The following ANKS1B variants were observed in gnomAD, a reference collection of about 807,000 sequenced individuals.
ANKS1B encodes the protein ankyrin repeat and sterile alpha motif domain containing 1B, also known as ankyrin repeat and sterile alpha motif domain-containing protein 1B.
ANKS1B carries 36 observed loss-of-function variants against 148.3 expected under a neutral mutation model. The ratio of observed to expected loss-of-function variants is 0.24; its 90% confidence interval spans 0.19 to 0.32. ANKS1B has a LOEUF of 0.32. Among genes scored for constraint, ANKS1B ranks in the 10% least tolerant of loss-of-function variants. ANKS1B has a pLI of 1.00. For synonymous variants in ANKS1B, 542 were observed against 560.8 expected (o/e 0.97, Z 0.47); for missense variants, 1,157 against 1,542.6 (o/e 0.75, Z 4.19).
intron 12 of ANKS1B, among the ~76,000 whole-genome samples, chr12:99,335,394 A>AATAAATT (rs1184180234): frequency 6.6e-6 from 1 of 152,022 alleles, no homozygotes; most frequent in Non-Finnish European, 1.5e-5. Flanking sequence ...TTAAGTATAC[A>AATAAATT]ATAAATTACT....
intron 16 of ANKS1B, among the ~76,000 whole-genome samples, chr12:99,071,896 C>T (rs546520688): frequency 5.3e-5 from 8 of 152,216 alleles, no homozygotes; most frequent in African/African-American, 1.2e-4. Flanking sequence ...CTGCCTGCCT[C>T]GGCCTCCCAA....
At chr12:99,567,892 T>A (rs988939593) in intron 9 of ANKS1B, among the ~76,000 whole-genome samples, 1 of 152,202 alleles carries the variant, frequency 6.6e-6, no homozygotes, top group Non-Finnish European at 1.5e-5. Flanking sequence ...TACATTTATA[T>A]GGAGAGGGAC....
chr12:99,959,872 C>T (rs954379497), intron 1 of ANKS1B, among the ~76,000 whole-genome samples: 27 of 152,204 alleles, frequency 1.8e-4, no homozygotes, highest in Admixed American at 7.8e-4. Flanking sequence ...CAATGTCATA[C>T]CAAAATTTTA....
chr12:99,450,729 C>CTA (rs1266993379), intron 10 of ANKS1B, among the ~76,000 whole-genome samples: 1 of 152,130 alleles, frequency 6.6e-6, no homozygotes, highest in African/African-American at 2.4e-5. Flanking sequence ...ATATTTCTCT[C>CTA]TATATAGCTC....
At chr12:99,555,554 A>G (rs1045859020) in intron 9 of ANKS1B, among the ~76,000 whole-genome samples, 1 of 152,122 alleles carries the variant, frequency 6.6e-6, no homozygotes, top group African/African-American at 2.4e-5. Flanking sequence ...TTGTGCATTC[A>G]GTATGATGTT....
intron 9 of ANKS1B, among the ~76,000 whole-genome samples, chr12:99,575,054 G>A (rs1366464906): frequency 6.6e-6 from 1 of 151,956 alleles, no homozygotes; most frequent in Non-Finnish European, 1.5e-5. Context: ...AAACTAATAA[G>A]TGATTATACC....
chr12:99,384,962 C>A (rs2093798181), intron 12 of ANKS1B, among the ~76,000 whole-genome samples: 2 of 152,032 alleles, frequency 1.3e-5, no homozygotes, highest in African/African-American at 4.8e-5. Flanking sequence ...AACTTACTTT[C>A]TCTGGCTTTT....
intron 22 of ANKS1B, among the ~76,000 whole-genome samples, chr12:98,790,754 C>G (rs7300980): frequency 6.6e-6 from 1 of 152,036 alleles, no homozygotes; most frequent in African/African-American, 2.4e-5. Context: ...AGGCTACTTG[C>G]TATGATGGCA....
chr12:98,921,330 G>C (rs1428733050), intron 17 of ANKS1B, among the ~76,000 whole-genome samples: 1 of 152,174 alleles, frequency 6.6e-6, no homozygotes, highest in African/African-American at 2.4e-5. Flanking sequence ...AATAGAATCT[G>C]AGTTATGTAA....
chr12:99,487,615 T>TGGG (rs35369607), intron 10 of ANKS1B, among the ~76,000 whole-genome samples: 13 of 149,762 alleles, frequency 8.7e-5, no homozygotes, highest in Non-Finnish European at 1.6e-4. Context: ...ACATTCAATA[T>TGGG]GGGGGGGGGA....
Position 99,048,358 on chromosome 12 carries a change from G to A in ANKS1B, c.2778+4799C>T, listed in dbSNP as rs552374345. 1.3e-3 allele frequency among the ~76,000 whole-genome samples: 193 copies of A among 152,232 alleles called. 1 individual carries two copies. The highest frequency in any genetic ancestry group is 4.3e-3 in the African/African-American group (179 of 41,548). Reference sequence around the variant, plus strand: ...GTTTTTTCTGAAGTTCATTTGTTGCGGAGTGTTCAAAACTGTCTCTTCAGG... The same window carrying A: ...GTTTTTTCTGAAGTTCATTTGTTGCAGAGTGTTCAAAACTGTCTCTTCAGG... On this transcript the variant is annotated intron_variant, in intron 17 of 26. Transcript: ENST00000683438.
intron 8 of ANKS1B, among the ~76,000 whole-genome samples, chr12:99,759,791 A>C (rs1288515985): frequency 6.6e-6 from 1 of 151,994 alleles, no homozygotes; most frequent in Non-Finnish European, 1.5e-5. Flanking sequence ...CATTATCCAG[A>C]ATGTGAGGTT....
chr12:99,155,491 C>G (rs1280193750), intron 14 of ANKS1B, among the ~76,000 whole-genome samples: 1 of 152,058 alleles, frequency 6.6e-6, no homozygotes, highest in Non-Finnish European at 1.5e-5. Flanking sequence ...ACCCAATCTA[C>G]CAGGGTTACC....
At chr12:99,735,683 T>C (rs2153574056) in intron 8 of ANKS1B, among the ~76,000 whole-genome samples, 1 of 150,720 alleles carries the variant, frequency 6.6e-6, no homozygotes, top group South Asian at 2.1e-4. Flanking sequence ...ACCAAACATA[T>C]AAAGAAGAAC....
chr12:99,503,807 C>T (rs1332788070), intron 10 of ANKS1B, among the ~76,000 whole-genome samples: 1 of 151,912 alleles, frequency 6.6e-6, no homozygotes, highest in African/African-American at 2.4e-5. Context: ...TTTCTTACAA[C>T]TCCTTCACAG....
intron 16 of ANKS1B, 47 bp downstream of exon 16, chr12:99,084,878 T>C: frequency 6.8e-7 from 1 of 1,474,840 alleles, no homozygotes; most frequent in Non-Finnish European, 9.3e-7. Flanking sequence ...GGACTCAAAA[T>C]CACTGGGAAC....
At chr12:99,909,994 A>G (rs1056634904) in intron 1 of ANKS1B, among the ~76,000 whole-genome samples, 10 of 152,222 alleles carry the variant, frequency 6.6e-5, no homozygotes, top group South Asian at 2.1e-4. Context: ...TTCATATTCC[A>G]TTCCAAACAC....
intron 22 of ANKS1B, among the ~76,000 whole-genome samples, chr12:98,796,109 T>C (rs1031374303): frequency 2.6e-5 from 4 of 152,190 alleles, no homozygotes; most frequent in African/African-American, 9.6e-5. Flanking sequence ...TTGGGGTAAT[T>C]AAATGTTCAC....
At chr12:99,726,056 C>T (rs1451531490) in intron 8 of ANKS1B, among the ~76,000 whole-genome samples, 2 of 152,090 alleles carry the variant, frequency 1.3e-5, no homozygotes, top group East Asian at 3.9e-4. Flanking sequence ...CAAATCGACA[C>T]CCTAACCTCA....
Sources: allele counts gnomAD v4.1 joint callset (sites outside exome capture counted in the v4.1 genomes callset), GRCh38; gene constraint gnomAD v4.1.1; transcripts MANE v1.5; gene names NCBI Gene and HGNC (gene_info 2026-07-23, HGNC 2026-07-21).